The following DTWD2 variants were observed in gnomAD, a reference collection of about 807,000 sequenced individuals.
The protein encoded by DTWD2 is DTW motif tRNA-uridine aminocarboxypropyltransferase 2, also known as tRNA-uridine aminocarboxypropyltransferase 2.
Under a neutral mutation model 31.8 loss-of-function variants are expected in DTWD2, and 39 were observed. The observed-to-expected ratio is 1.22, with a 90% CI of 0.95 to 1.60. The LOEUF (loss-of-function observed/expected upper bound fraction) is 1.60. Ranked by LOEUF, DTWD2 falls within the 40% of genes most tolerant of loss-of-function variation. The probability of loss-of-function intolerance (pLI) is 0.00; values close to 1 mark genes in which losing one functional copy is unlikely to be tolerated. For synonymous variants in DTWD2, 180 were observed against 142.8 expected, an observed-to-expected ratio of 1.26 and a Z score of -1.86; for missense variants, 515 against 381.5, an observed-to-expected ratio of 1.35 and a Z score of -2.92.
rs952419808 is a variant in DTWD2 at position 118,885,281 on chromosome 5, A to G, written c.598-37063T>C. Among the ~76,000 whole-genome samples, 3 of 151,308 alleles carry G rather than the reference A, an allele frequency of 2.0e-5. No homozygotes were observed. In the South Asian group the frequency reaches 6.3e-4, roughly 32 times the overall value. Reference sequence around the variant, plus strand: ...ATCCTGGCCAACACAGTGAAACCCTATCTCTACTAAAAATACAAAAAATTA... The same window carrying G: ...ATCCTGGCCAACACAGTGAAACCCTGTCTCTACTAAAAATACAAAAAATTA... On this transcript the variant is annotated intron_variant, in intron 4 of 5. Coordinates refer to ENST00000510708, the MANE Select transcript of DTWD2 (RefSeq NM_173666.4).
At chr5:118,869,245 C>G (rs1752449713) in intron 4 of DTWD2, among the ~76,000 whole-genome samples, 1 of 151,928 alleles carries the variant, frequency 6.6e-6, no homozygotes, top group Non-Finnish European at 1.5e-5. Context: ...TTTTACAAAG[C>G]ATTAAAAGAG....
chr5:118,888,995 G>GT (rs1234338074), intron 4 of DTWD2, among the ~76,000 whole-genome samples: 4 of 152,162 alleles, frequency 2.6e-5, no homozygotes, highest in African/African-American at 4.8e-5. Flanking sequence ...CTGAATACAA[G>GT]TTTTTTCTCA....
intron 4 of DTWD2, among the ~76,000 whole-genome samples, chr5:118,923,167 T>A (rs1753739716): frequency 2.0e-5 from 3 of 152,192 alleles, no homozygotes. Flanking sequence ...TCTCACCTTG[T>A]TACAGGTAGT....
At chr5:118,960,035 A>C (rs1754672752) in intron 1 of DTWD2, among the ~76,000 whole-genome samples, 1 of 152,212 alleles carries the variant, frequency 6.6e-6, no homozygotes, top group Admixed American at 6.5e-5. Flanking sequence ...AGGCACTGGC[A>C]AAGAATTTAT....
intron 1 of DTWD2, among the ~76,000 whole-genome samples, chr5:118,968,293 C>A (rs935100330): frequency 6.6e-6 from 1 of 151,788 alleles, no homozygotes; most frequent in African/African-American, 2.4e-5. Flanking sequence ...GAGTTAGATA[C>A]TGAACCAGAA....
chr5:118,920,829 G>A (rs961096562), intron 4 of DTWD2, among the ~76,000 whole-genome samples: 13 of 152,102 alleles, frequency 8.5e-5, no homozygotes, highest in East Asian at 1.9e-4. Context: ...AATGGGGAGC[G>A]TTCTTTGTTT....
chr5:118,882,195 C>T (rs1752757021), intron 4 of DTWD2, among the ~76,000 whole-genome samples: 1 of 152,230 alleles, frequency 6.6e-6, no homozygotes, highest in Non-Finnish European at 1.5e-5. Flanking sequence ...AGTCCAAAAC[C>T]CAGCTGGGCA....
intron 2 of DTWD2, among the ~76,000 whole-genome samples, chr5:118,943,058 C>T (rs1362775756): frequency 6.6e-6 from 1 of 152,150 alleles, no homozygotes; most frequent in Non-Finnish European, 1.5e-5. Flanking sequence ...CCTTCTTCAG[C>T]CTCCCAAAGT....
chr5:118,841,826 G>A (rs1457064546), intron 5 of DTWD2, among the ~76,000 whole-genome samples: 1 of 151,762 alleles, frequency 6.6e-6, no homozygotes, highest in Non-Finnish European at 1.5e-5. Context: ...TTTTGGGTGA[G>A]ATTCCTTCCT....
intron 4 of DTWD2, among the ~76,000 whole-genome samples, chr5:118,869,627 C>T (rs1752458389): frequency 6.6e-6 from 1 of 152,182 alleles, no homozygotes; most frequent in Non-Finnish European, 1.5e-5. Context: ...AATCCAAAGT[C>T]AGTGAGATCT....
At chr5:118,907,045 T>C (rs1225067573) in intron 4 of DTWD2, among the ~76,000 whole-genome samples, 1 of 152,182 alleles carries the variant, frequency 6.6e-6, no homozygotes, top group African/African-American at 2.4e-5. Flanking sequence ...CTAACATTTC[T>C]TCACCTGGAA....
At position 118,938,770 on chromosome 5, in the gene DTWD2, GA is replaced by G. The variant is rs898385432; in HGVS notation, c.404+425del. On this transcript the variant is annotated intron_variant, in intron 3 of 5. Transcript: ENST00000510708. The stretch of plus-strand genomic sequence containing the variant: ...AAGCACTATATTAGGCACCATAGGG[GA>G]AAAAAAACTGAACTAAATCTAATAC... Among the ~76,000 whole-genome samples, 6 of 51,662 alleles carry G rather than the reference GA, an allele frequency of 1.2e-4. No individual in the cohort carries two copies. The Admixed American group carries it at 1.4e-3, about 12-fold the overall frequency. The allele number at this position is 51,662 out of a possible 152,430, so 33.9% of individuals were successfully genotyped here. A position where few individuals can be genotyped will look rare whatever the true frequency, so the allele number is the denominator to read the frequency against.
At chr5:118,951,358 T>C (rs1754461389) in intron 1 of DTWD2, among the ~76,000 whole-genome samples, 1 of 152,028 alleles carries the variant, frequency 6.6e-6, no homozygotes, top group Non-Finnish European at 1.5e-5. Context: ...TTCAAAGGAC[T>C]CAGAGCTTGG....
At chr5:118,940,495 C>T (rs1474726669) in intron 2 of DTWD2, among the ~76,000 whole-genome samples, 3 of 152,176 alleles carry the variant, frequency 2.0e-5, no homozygotes, top group East Asian at 3.8e-4. Context: ...ACTCTTTTGG[C>T]TATTTCTTCT....
chr5:118,938,710 C>T (rs945779715), intron 3 of DTWD2, among the ~76,000 whole-genome samples: 1 of 150,552 alleles, frequency 6.6e-6, no homozygotes, highest in African/African-American at 2.4e-5. Context: ...TGAGATCCTG[C>T]CTCAAAAAAT....
intron 4 of DTWD2, among the ~76,000 whole-genome samples, chr5:118,863,808 A>G (rs1224080910): frequency 1.3e-5 from 2 of 152,088 alleles, no homozygotes; most frequent in Non-Finnish European, 1.5e-5. Context: ...TTAGTTTCCA[A>G]GTATATATAA....
chr5:118,958,380 T>C (rs979223098), intron 1 of DTWD2, among the ~76,000 whole-genome samples: 68 of 151,594 alleles, frequency 4.5e-4, no homozygotes, highest in Admixed American at 4.4e-3. Flanking sequence ...ATGGCGTGAA[T>C]CCGGGAGGTG....
At chr5:118,933,358 A>G (rs1407249414) in intron 3 of DTWD2, among the ~76,000 whole-genome samples, 1 of 152,204 alleles carries the variant, frequency 6.6e-6, no homozygotes, top group Non-Finnish European at 1.5e-5. Context: ...TAAAGGCATT[A>G]CAAGAAAGGA....
chr5:118,850,309 C>CAA (rs74980941), intron 4 of DTWD2, among the ~76,000 whole-genome samples: 2,108 of 63,072 alleles, frequency 0.033, 31 homozygotes, highest in Non-Finnish European at 0.045. Flanking sequence ...ACCAAAAATA[C>CAA]AAAAAAAAAA....
Sources: gnomAD v4.1 joint callset for allele counts (sites outside exome capture counted in the v4.1 genomes callset) on GRCh38, gnomAD v4.1.1 for gene constraint, MANE v1.5 for transcripts, NCBI Gene and HGNC (gene_info 2026-07-23, HGNC 2026-07-21) for gene names.